SRCIN1: variants seen among roughly 807,000 people sequenced by gnomAD.
SRCIN1 encodes the protein P130Cas-associated protein.
SRCIN1 carries 50 observed loss-of-function variants against 116.2 expected under a neutral mutation model. The ratio of observed to expected loss-of-function variants is 0.43; its 90% confidence interval spans 0.34 to 0.54. SRCIN1 has a LOEUF of 0.54. Ranked by LOEUF, SRCIN1 falls within the 20% of genes least tolerant of loss-of-function variation. The pLI is 0.02. For missense variants in SRCIN1, 1,446 were observed against 1,672.0 expected, an observed-to-expected ratio of 0.86 and a Z score of 2.36; for synonymous variants, 736 against 750.0, an observed-to-expected ratio of 0.98 and a Z score of 0.30.
chr17:38,542,222 G>A (rs1195707758), intron 18 of SRCIN1: 2 of 153,368 alleles, frequency 1.3e-5, no homozygotes, highest in Non-Finnish European at 2.9e-5. Context: ...GGGAGGGAGG[G>A]ACTAGGGTGG....
intron 1 of SRCIN1, among the ~76,000 whole-genome samples, chr17:38,583,483 C>T (rs1907930312): frequency 6.6e-6 from 1 of 151,808 alleles, no homozygotes; most frequent in South Asian, 2.1e-4. Flanking sequence ...TGCCTTTGGG[C>T]ACTAAGTGAG....
At chr17:38,589,745 T>C (rs1194100588) in intron 1 of SRCIN1, among the ~76,000 whole-genome samples, 1 of 152,170 alleles carries the variant, frequency 6.6e-6, no homozygotes, top group African/African-American at 2.4e-5. Flanking sequence ...ACAGGGCTGC[T>C]GGGACCCAAG....
rs1164369697 is a variant in SRCIN1, at chr17:38,532,238, G to C, written c.*1059C>G. The stretch of plus-strand genomic sequence containing the variant: ...TGCCAAGAGGATGACTGAAGTTCAA[G>C]TCACCCCACCTGCGGGTCCCAGGTG... On this transcript the variant is annotated 3_prime_UTR_variant, in exon 19 of 19. Transcript: ENST00000617146. The surrounding 1 kb of genome is among the most constrained non-coding windows in gnomAD (Gnocchi z 4.3). 6.6e-6 allele frequency: 1 copy of C among 152,426 alleles called. No individual in the cohort carries two copies. Among genetic ancestry groups the C allele is most frequent in the Non-Finnish European group, 1.5e-5 (1 of 68,042 alleles). The allele number at this position is 152,426 out of a possible 1,614,324, so 9.4% of individuals were successfully genotyped here.
chr17:38,551,718 A>G (rs1388591581), intron 14 of SRCIN1, 168 bp downstream of exon 14: 5 of 1,042,064 alleles, frequency 4.8e-6, no homozygotes, highest in Non-Finnish European at 7.1e-6. Context: ...TCTGTCTAGG[A>G]GGGCTAATGT....
chr17:38,599,193 C>A (rs1459653501), intron 1 of SRCIN1, among the ~76,000 whole-genome samples: 1 of 152,134 alleles, frequency 6.6e-6, no homozygotes, highest in African/African-American at 2.4e-5. Flanking sequence ...CTAGTCCCAC[C>A]CTCTTTTCTT....
intron 2 of SRCIN1, among the ~76,000 whole-genome samples, chr17:38,575,710 T>C (rs1480303168): frequency 6.6e-6 from 1 of 152,110 alleles, no homozygotes; most frequent in Non-Finnish European, 1.5e-5. Context: ...GTTGTCTCTG[T>C]CCCACAGCAT....
At chr17:38,598,435 T>C (rs893798372) in intron 1 of SRCIN1, among the ~76,000 whole-genome samples, 2 of 151,508 alleles carry the variant, frequency 1.3e-5, no homozygotes, top group African/African-American at 4.9e-5. Flanking sequence ...GCAGAACACG[T>C]CCCCCCCGCA....
chr17:38,548,671 C>A lies in SRCIN1; in HGVS notation c.3156G>T (p.Gln1052His). Reference protein sequence around the residue: ...ESEELEVQKPQVKLRRAVSEV... With the variant: ...ESEELEVQKPHVKLRRAVSEV... ...CAGACACAGCCCGGCGCAGCTTCAC[C>A]TGGGGCTTCTGCACCTCCAGCTCCT... The change falls in exon 17 of 19, where the codon CAG becomes CAT. Residue 1052 changes from glutamine (Q) to histidine (H), a missense_variant. Gln to His is a conservative substitution (Grantham distance 24, BLOSUM62 0). Around this residue, in one of 5 missense-constraint regions of SRCIN1, gnomAD observed 531 missense variants for 633.9 expected, o/e 0.84. Coordinates refer to ENST00000617146, the MANE Select transcript of SRCIN1 (RefSeq NM_025248.3). 3.1e-6 allele frequency: 5 copies of A among 1,611,200 alleles called. No individual in the cohort carries two copies. Among genetic ancestry groups the A allele is most frequent in the Non-Finnish European group, 4.2e-6 (5 of 1,179,172 alleles).
intron 1 of SRCIN1, among the ~76,000 whole-genome samples, chr17:38,593,123 T>G (rs1047043794): frequency 6.6e-6 from 1 of 152,128 alleles, no homozygotes; most frequent in Non-Finnish European, 1.5e-5. Context: ...GGTTTGACAG[T>G]GCTCTGGGAG....
intron 18 of SRCIN1, among the ~76,000 whole-genome samples, chr17:38,536,354 C>CAT (rs1567847973): frequency 6.6e-6 from 1 of 152,240 alleles, no homozygotes; most frequent in Admixed American, 6.5e-5. Flanking sequence ...ACCCATCATC[C>CAT]TCCCCTGCTG....
At chr17:38,560,469 G>C (rs73304424) in intron 7 of SRCIN1, 44 bp from the exon 8 acceptor site, 14 of 1,499,812 alleles carry the variant, frequency 9.3e-6, no homozygotes, top group Non-Finnish European at 1.3e-5. Flanking sequence ...CTGAGCATAG[G>C]GTCTCTCCTG....
chr17:38,581,369 G>A (rs958926544), intron 1 of SRCIN1, among the ~76,000 whole-genome samples: 4 of 144,242 alleles, frequency 2.8e-5, no homozygotes, highest in African/African-American at 7.8e-5. Flanking sequence ...TTACGCCACT[G>A]CACTCCAGCC....
At chr17:38,550,655 T>TGA (rs1185547924) in intron 15 of SRCIN1, among the ~76,000 whole-genome samples, 1 of 152,250 alleles carries the variant, frequency 6.6e-6, no homozygotes, top group African/African-American at 2.4e-5. Flanking sequence ...CCCTGTCTTA[T>TGA]TTCCGTATCT....
At chr17:38,573,775 C>T (rs575370005) in intron 2 of SRCIN1, among the ~76,000 whole-genome samples, 14 of 152,368 alleles carry the variant, frequency 9.2e-5, no homozygotes, top group South Asian at 6.2e-4. Context: ...CTTTGGTCTC[C>T]GCCATGCACT....
chr17:38,556,328 G>A (rs1905789469), intron 11 of SRCIN1, among the ~76,000 whole-genome samples: 1 of 152,244 alleles, frequency 6.6e-6, no homozygotes, highest in Non-Finnish European at 1.5e-5. Context: ...CTGGACCTGG[G>A]TTAGGCAAAG....
chr17:38,583,496 G>C (rs1407723412), intron 1 of SRCIN1, among the ~76,000 whole-genome samples: 2 of 151,806 alleles, frequency 1.3e-5, no homozygotes, highest in East Asian at 3.9e-4. Context: ...TAAGTGAGAG[G>C]CTGGCAAGAC....
intron 18 of SRCIN1, among the ~76,000 whole-genome samples, chr17:38,533,831 A>G (rs1180418767): frequency 2.2e-4 from 32 of 144,828 alleles, no homozygotes; most frequent in Admixed American, 3.4e-4. Flanking sequence ...CCTGCGGGGG[A>G]CGGGGGTCAG....
chr17:38,575,961 G>T (rs8079301), intron 2 of SRCIN1, among the ~76,000 whole-genome samples: 16,765 of 152,182 alleles, frequency 0.11, 3,076 homozygotes, highest in African/African-American at 0.38. Flanking sequence ...CATAGATCCT[G>T]CCCACTTACA....
intron 14 of SRCIN1, 29 bp downstream of exon 14, chr17:38,551,857 G>GTTCACA: frequency 6.2e-7 from 1 of 1,612,408 alleles, no homozygotes; most frequent in Non-Finnish European, 8.5e-7. Flanking sequence ...CTGGCTCATG[G>GTTCACA]CCCCACCCAC....
Sources: gnomAD v4.1 joint callset for allele counts (sites outside exome capture counted in the v4.1 genomes callset) on GRCh38, gnomAD v4.1.1 for gene constraint, gnomAD v4.1.1 regional missense constraint, Gnocchi (gnomAD v3.1) non-coding constraint, MANE v1.5 for transcripts, NCBI Gene and HGNC (gene_info 2026-07-23, HGNC 2026-07-21) for gene names.